Variants in GRID2 observed in about 807,000 individuals in gnomAD.
GRID2 encodes glutamate receptor ionotropic, delta-2.
A neutral mutation model predicts 114.8 loss-of-function variants in GRID2; 33 were observed. That is an observed-to-expected ratio of 0.29 (90% confidence interval 0.22 to 0.38). The LOEUF is 0.38. Among genes scored for constraint, GRID2 ranks in the 10% least tolerant of loss-of-function variants. GRID2 has a pLI of 1.00. For missense variants in GRID2, 1,184 were observed against 1,257.7 expected (o/e 0.94, Z 0.89); for synonymous variants, 505 against 449.9 (o/e 1.12, Z -1.55).
rs755890663 is a variant in GRID2, at chr4:93,085,043, G to A, written c.293G>A (p.Gly98Asp). 2 of 1,614,090 alleles carry A rather than the reference G, an allele frequency of 1.2e-6. No homozygotes were observed. Among genetic ancestry groups the A allele is most frequent in the Admixed American group, 1.7e-5 (1 of 60,022 alleles). The change falls in exon 3 of 16, where the codon GGC becomes GAC. Residue 98 changes from glycine (G) to aspartate (D), a missense_variant. Transcript: ENST00000282020. ...QGILALVSSI[G>D]CTSAGSLQSL... ...ATCTTGGCCCTGGTCAGCTCCATTG[G>A]CTGCACGTCAGCAGGATCCCTCCAG... is the stretch of plus-strand genomic sequence containing the variant.
chr4:92,529,009 T>C (rs1725180913), intron 1 of GRID2, among the ~76,000 whole-genome samples: 1 of 151,912 alleles, frequency 6.6e-6, no homozygotes. Context: ...GATAGGAAAC[T>C]GCAAAAAGAT....
chr4:92,525,648 A>G (rs1725005715), intron 1 of GRID2, among the ~76,000 whole-genome samples: 1 of 152,200 alleles, frequency 6.6e-6, no homozygotes, highest in Non-Finnish European at 1.5e-5. Context: ...TGGAGTCTGT[A>G]AGAGGAATGA....
chr4:92,575,346 G>A (rs116098575), intron 1 of GRID2, among the ~76,000 whole-genome samples: 23 of 152,290 alleles, frequency 1.5e-4, no homozygotes, highest in Non-Finnish European at 2.6e-4. Flanking sequence ...GCCCAGTTCT[G>A]AGCCCTTGCT....
chr4:92,713,697 G>A (rs1560548184), intron 2 of GRID2, among the ~76,000 whole-genome samples: 9 of 151,478 alleles, frequency 5.9e-5, no homozygotes. Context: ...CATTTCATGT[G>A]ATGGCAGACA....
At chr4:92,853,436 G>T (rs1743966861) in intron 2 of GRID2, among the ~76,000 whole-genome samples, 1 of 151,816 alleles carries the variant, frequency 6.6e-6, no homozygotes, top group South Asian at 2.1e-4. Flanking sequence ...CAATCTCATA[G>T]AAAATTTAAA....
rs373607583 is a variant in GRID2 at position 93,122,596 on chromosome 4, C to T, written c.735+11643C>T. 6.6e-5 allele frequency among the ~76,000 whole-genome samples: 10 copies of T among 152,084 alleles called. No individual in the cohort carries two copies. The East Asian group carries it at 1.7e-3, about 27-fold the overall frequency. ...CTATGGTAAAAGTTGTAACTCTTTC[C>T]ATGGGCCCAATAGTTATGGGTCATC... On this transcript the variant is annotated intron_variant, in intron 4 of 15. Coordinates refer to ENST00000282020, the MANE Select transcript of GRID2 (RefSeq NM_001510.4).
At chr4:93,733,167 G>T (rs1560955730) in intron 14 of GRID2, among the ~76,000 whole-genome samples, 3 of 152,070 alleles carry the variant, frequency 2.0e-5, no homozygotes, top group African/African-American at 4.8e-5. Flanking sequence ...CATATGAATT[G>T]TCTCTGAGCA....
chr4:92,346,821 T>G lies in GRID2; in HGVS notation c.88+42077T>G, dbSNP rs1485707234. On this transcript the variant is annotated intron_variant, in intron 1 of 15. Transcript: ENST00000282020. ...ATGCAATTAAAAAATTCATGATAAG[T>G]TAAAGGAGTTTCCATCTTTTAGTTT... Among the ~76,000 whole-genome samples the G allele has an allele frequency of 2.6e-5, 4 of 152,216 alleles. No homozygotes were observed. The East Asian group carries it at 7.7e-4, about 29-fold the overall frequency.
At chr4:93,379,708 G>GA (rs2149306038) in intron 8 of GRID2, among the ~76,000 whole-genome samples, 1 of 152,166 alleles carries the variant, frequency 6.6e-6, no homozygotes, top group African/African-American at 2.4e-5. Flanking sequence ...CCATCACAAA[G>GA]CTCAAAATTC....
chr4:93,578,306 T>C (rs1578302216), intron 13 of GRID2, among the ~76,000 whole-genome samples: 1 of 152,088 alleles, frequency 6.6e-6, no homozygotes, highest in Non-Finnish European at 1.5e-5. Context: ...TTTTGAGAGA[T>C]GGTTATGATA....
Position 93,110,847 on chromosome 4 carries a change from C to G in GRID2, c.629C>G (p.Thr210Ser). ...AACAACATCAATAAAATGATTACCACTCTCTTTGACACCATGAGAATAGAA... is the reference window on the plus strand; with the variant it reads ...AACAACATCAATAAAATGATTACCAGTCTCTTTGACACCATGAGAATAGAA... ...VENNINKMIT[T>S]LFDTMRIEEL... The change falls in exon 4 of 16, where the codon ACT (threonine) becomes AGT (serine). Residue 210 changes from threonine (T) to serine (S), a missense_variant. This residue lies in a region of GRID2 where 455 missense variants were observed against 429.5 expected (regional missense o/e 1.06). Transcript: ENST00000282020. 6.2e-7 allele frequency: 1 copy of G among 1,608,534 alleles called. No homozygotes were observed. The highest frequency in any genetic ancestry group is 8.5e-7 in the Non-Finnish European group (1 of 1,174,896).
At chr4:93,122,890 G>GTTTTTTTTTTTTTTTT (rs886185779) in intron 4 of GRID2, among the ~76,000 whole-genome samples, 1 of 69,802 alleles carries the variant, frequency 1.4e-5, no homozygotes, top group African/African-American at 6.2e-5. Context: ...ACAGATGTGG[G>GTTTTTTTTTTTTTTTT]TTTTTTTTTT....
At chr4:93,279,986 C>A (rs1390277772) in intron 8 of GRID2, among the ~76,000 whole-genome samples, 1 of 151,822 alleles carries the variant, frequency 6.6e-6, no homozygotes, top group Non-Finnish European at 1.5e-5. Context: ...TATATGGCAG[C>A]AATGTGATGG....
At position 93,772,346 on chromosome 4, in the gene GRID2, C is replaced by G. The variant is rs993807042; in HGVS notation, c.2872C>G (p.Pro958Ala). Residue 958 changes from proline (P) to alanine (A), a missense_variant, in exon 16 of 16, where the codon CCT becomes GCT. Around this residue, in one of 3 missense-constraint regions of GRID2, gnomAD observed 717 missense variants for 796.9 expected, o/e 0.90. Transcript: ENST00000282020. Reference sequence around the variant, plus strand: ...TTCTGGTTTCACTTTTGGCAACGTGCCTGAGCACCGAACTGGCCCTTTTAG... The same window carrying G: ...TTCTGGTTTCACTTTTGGCAACGTGGCTGAGCACCGAACTGGCCCTTTTAG... ...AASGFTFGNVPEHRTGPFRHR... is the reference protein window; with the variant it reads ...AASGFTFGNVAEHRTGPFRHR... The G allele has an allele frequency of 1.9e-6, 3 of 1,613,970 alleles. No individual in the cohort carries two copies. In the South Asian group the frequency reaches 3.3e-5, roughly 18 times the overall value.
At chr4:92,404,049 A>G (rs1730918877) in intron 1 of GRID2, among the ~76,000 whole-genome samples, 1 of 152,206 alleles carries the variant, frequency 6.6e-6, no homozygotes, top group Admixed American at 6.5e-5. Context: ...GAGAATTACC[A>G]AAACGTGACG....
At chr4:93,314,191 G>C (rs1756323860) in intron 8 of GRID2, among the ~76,000 whole-genome samples, 1 of 151,078 alleles carries the variant, frequency 6.6e-6, no homozygotes, top group Admixed American at 6.6e-5. Flanking sequence ...TGTAGTCCCA[G>C]CTACTCAGGA....
intron 8 of GRID2, among the ~76,000 whole-genome samples, chr4:93,289,494 A>G (rs767228643): frequency 1.7e-4 from 26 of 152,110 alleles, no homozygotes; most frequent in Admixed American, 3.9e-4. Flanking sequence ...TTCCCATTGT[A>G]TAATAGTTAA....
chr4:92,556,813 A>G (rs1038724740), intron 1 of GRID2, among the ~76,000 whole-genome samples: 19 of 152,156 alleles, frequency 1.2e-4, no homozygotes, highest in Admixed American at 6.6e-4. Flanking sequence ...AGCAAGCCCC[A>G]GAAGCACATT....
chr4:92,837,155 G>C (rs1241287411), intron 2 of GRID2, among the ~76,000 whole-genome samples: 1 of 152,034 alleles, frequency 6.6e-6, no homozygotes, highest in East Asian at 1.9e-4. Flanking sequence ...AAGAAATGTA[G>C]AAAGCAGGAA....
Sources: allele counts gnomAD v4.1 joint callset (sites outside exome capture counted in the v4.1 genomes callset), GRCh38; gene constraint gnomAD v4.1.1; regional missense constraint gnomAD v4.1.1; transcripts MANE v1.5; gene names NCBI Gene and HGNC (gene_info 2026-07-23, HGNC 2026-07-21).